IFT56: variants seen among roughly 807,000 people sequenced by gnomAD.
The protein encoded by IFT56 is intraflagellar transport protein 56.
At chr7:139,147,196 A>C in the IFT56 span, 1 of 1,613,490 alleles carries the variant, frequency 6.2e-7, no homozygotes, top group Non-Finnish European at 8.5e-7. Context: ...TCAGGATGTC[A>C]CAGAAGATCA....
At chr7:139,150,120 A>G in the IFT56 span, among the ~76,000 whole-genome samples, 1 of 152,176 alleles carries the variant, frequency 6.6e-6, no homozygotes, top group African/African-American at 2.4e-5. Context: ...ATTGCTTAGT[A>G]TACACTTGAG....
chr7:139,157,578 A>G, the IFT56 span, among the ~76,000 whole-genome samples: 2 of 136,960 alleles, frequency 1.5e-5, no homozygotes, highest in Admixed American at 8.2e-5. Context: ...ATCATGGCTT[A>G]CTATAACCTC....
the IFT56 span, among the ~76,000 whole-genome samples, chr7:139,159,417 G>T: frequency 1.3e-5 from 2 of 152,004 alleles, no homozygotes; most frequent in South Asian, 2.1e-4. Context: ...TTATATAACT[G>T]TTTTTTTATT....
chr7:139,160,432 AC>A, the IFT56 span, among the ~76,000 whole-genome samples: 2 of 140,710 alleles, frequency 1.4e-5, no homozygotes, highest in Admixed American at 1.4e-4. Context: ...AAGTCACTTA[AC>A]TTTTTTTTTT....
At chr7:139,186,448 A>T in the IFT56 span, among the ~76,000 whole-genome samples, 42 of 151,838 alleles carry the variant, frequency 2.8e-4, no homozygotes, top group Admixed American at 9.8e-4. Flanking sequence ...AAGAATAAAA[A>T]TTTTTTTTAA....
chr7:139,140,294 G>A, the IFT56 span, among the ~76,000 whole-genome samples: 1 of 152,102 alleles, frequency 6.6e-6, no homozygotes, highest in East Asian at 1.9e-4. Flanking sequence ...TGCTGTTGGT[G>A]GTATTTAGGT....
At chr7:139,173,099 G>A in the IFT56 span, 1 of 724,098 alleles carries the variant, frequency 1.4e-6, no homozygotes, top group Admixed American at 1.8e-5. Context: ...CTAATGGTTG[G>A]CTGACTCTCT....
chr7:139,134,893 A>C, the IFT56 span: 2 of 1,209,584 alleles, frequency 1.7e-6, no homozygotes, highest in Admixed American at 4.4e-5. Context: ...AGGTGGGTGC[A>C]TTCTGGGGCT....
chr7:139,169,988 T>C, the IFT56 span, among the ~76,000 whole-genome samples: 66,371 of 152,104 alleles, frequency 0.44, 19,392 homozygotes, highest in African/African-American at 0.81. Flanking sequence ...CATTCCAGCC[T>C]GGGCAACAGA....
At chr7:139,185,571 G>A in the IFT56 span, among the ~76,000 whole-genome samples, 1 of 152,042 alleles carries the variant, frequency 6.6e-6, no homozygotes, top group African/African-American at 2.4e-5. Flanking sequence ...AAAGTTCTGA[G>A]AAGCAGAACT....
chr7:139,150,608 C>T, the IFT56 span, among the ~76,000 whole-genome samples: 1 of 152,016 alleles, frequency 6.6e-6, no homozygotes, highest in South Asian at 2.1e-4. Flanking sequence ...ACCAGAAGAA[C>T]CTTTTTTTGG....
the IFT56 span, chr7:139,172,468 C>T: frequency 3.0e-5 from 12 of 395,638 alleles, no homozygotes; most frequent in East Asian, 6.2e-5. Context: ...GAACCCAGAG[C>T]GCTGAGCTAG....
At chr7:139,188,109 T>C in the IFT56 span, among the ~76,000 whole-genome samples, 26,799 of 150,016 alleles carry the variant, frequency 0.18, 4,169 homozygotes, top group African/African-American at 0.38. Flanking sequence ...TTCTTTCTTT[T>C]TTTTTTTTTT....
At chr7:139,139,209 G>A in the IFT56 span, among the ~76,000 whole-genome samples, 1 of 152,198 alleles carries the variant, frequency 6.6e-6, no homozygotes, top group African/African-American at 2.4e-5. Context: ...TTAATGAGGA[G>A]GCGAGATGAA....
chr7:139,187,263 G>A, the IFT56 span: 1 of 1,030,762 alleles, frequency 9.7e-7, no homozygotes, highest in Non-Finnish European at 1.4e-6. Context: ...GGGAATTGAA[G>A]TTTTTCTAAC....
At chr7:139,141,327 G>A in the IFT56 span, among the ~76,000 whole-genome samples, 2 of 151,522 alleles carry the variant, frequency 1.3e-5, no homozygotes, top group African/African-American at 4.8e-5. Flanking sequence ...TCATAGGTGT[G>A]AGCATCGTAT....
At chr7:139,140,210 G>A in the IFT56 span, among the ~76,000 whole-genome samples, 1 of 152,104 alleles carries the variant, frequency 6.6e-6, no homozygotes, top group African/African-American at 2.4e-5. Flanking sequence ...CCAGGCTACA[G>A]CCAAAAAGCA....
At chr7:139,189,298 G>C in the IFT56 span, 2 of 1,504,308 alleles carry the variant, frequency 1.3e-6, no homozygotes, top group East Asian at 4.5e-5. Flanking sequence ...GAAACACTTT[G>C]TCTTTTCAAA....
At chr7:139,166,498 A>T in the IFT56 span, among the ~76,000 whole-genome samples, 1 of 150,768 alleles carries the variant, frequency 6.6e-6, no homozygotes, top group South Asian at 2.1e-4. Flanking sequence ...ACTTCATGTC[A>T]TTTAATTCCT....
Sources: gnomAD v4.1 joint callset for allele counts (sites outside exome capture counted in the v4.1 genomes callset) on GRCh38, gnomAD v4.1.1 for gene constraint, MANE v1.5 for transcripts, NCBI Gene and HGNC (gene_info 2026-07-23, HGNC 2026-07-21) for gene names.